Variants in ZNF875 observed in about 807,000 individuals in gnomAD.
ZNF875 encodes zinc finger protein 875, also known as HKR1, GLI-Kruppel zinc finger family member.
ZNF875 carries 14 observed loss-of-function variants against 11.2 expected under a neutral mutation model. That is an observed-to-expected ratio of 1.26 (90% CI 0.83 to 1.96). The LOEUF (loss-of-function observed/expected upper bound fraction) is 1.96, where lower values mean the gene tolerates loss of function less well. Among genes scored for constraint, ZNF875 ranks in the 30% most tolerant of loss-of-function variants. ZNF875 has a pLI of 0.00. For missense variants in ZNF875, 752 were observed against 760.4 expected, an observed-to-expected ratio of 0.99 and a Z score of 0.13; for synonymous variants, 301 against 281.1, an observed-to-expected ratio of 1.07 and a Z score of -0.71.
intron 2 of ZNF875, chr19:37,322,272 AG>A (rs1184592456): frequency 3.3e-5 from 5 of 152,198 alleles, no homozygotes; most frequent in African/African-American, 7.2e-5. Flanking sequence ...CTCATTTTGT[AG>A]GCTTTGCCAA....
chr19:37,336,924 T>C (rs1405650645), intron 2 of ZNF875, among the ~76,000 whole-genome samples: 1 of 151,908 alleles, frequency 6.6e-6, no homozygotes, highest in Non-Finnish European at 1.5e-5. Context: ...AATAAATAAA[T>C]AAATATACAT....
At chr19:37,360,341 G>A (rs1402155624) in intron 4 of ZNF875, among the ~76,000 whole-genome samples, 1 of 152,116 alleles carries the variant, frequency 6.6e-6, no homozygotes, top group East Asian at 1.9e-4. Context: ...ATTAAGTTTT[G>A]AAGTTAGAAG....
chr19:37,335,927 G>T (rs1220328660), intron 2 of ZNF875, among the ~76,000 whole-genome samples: 1 of 152,192 alleles, frequency 6.6e-6, no homozygotes, highest in South Asian at 2.1e-4. Context: ...AGTCCTGGAA[G>T]AGTGCCTCGT....
At chr19:37,347,023 G>A in intron 2 of ZNF875, 167 bp from the exon 3 acceptor site, 2 of 723,670 alleles carry the variant, frequency 2.8e-6, no homozygotes, top group South Asian at 3.4e-5. Context: ...CTCCATATTG[G>A]TCAGGCTGAT....
chr19:37,322,543 G>C (rs2145692128), intron 2 of ZNF875, among the ~76,000 whole-genome samples: 1 of 152,222 alleles, frequency 6.6e-6, no homozygotes, highest in East Asian at 1.9e-4. Flanking sequence ...TATATGCCTG[G>C]GACTCTGGCT....
upstream of ZNF875, chr19:37,315,695 G>C (rs1315941817): frequency 1.3e-5 from 2 of 152,116 alleles, no homozygotes; most frequent in Non-Finnish European, 2.9e-5. Context: ...CGATTACATG[G>C]AGAAGGGCCA....
At chr19:37,323,973 A>T (rs1389898151) in intron 3 of ZNF875, among the ~76,000 whole-genome samples, 2 of 152,172 alleles carry the variant, frequency 1.3e-5, no homozygotes, top group Non-Finnish European at 2.9e-5. Flanking sequence ...CTGTCTGTTT[A>T]GCGCTTGATG....
intron 2 of ZNF875, among the ~76,000 whole-genome samples, 198 bp downstream of exon 2, chr19:37,335,455 C>A (rs899501850): frequency 6.6e-6 from 1 of 152,120 alleles, no homozygotes; most frequent in Non-Finnish European, 1.5e-5. Flanking sequence ...CCACTTGTAA[C>A]CTGCACGGAC....
upstream of ZNF875, chr19:37,313,089 AG>A (rs1484066022): frequency 6.6e-6 from 1 of 152,300 alleles, no homozygotes; most frequent in Admixed American, 6.5e-5. Context: ...CTCTCCCATT[AG>A]ATGGCTTGGC....
intron 3 of ZNF875, chr19:37,324,090 G>C (rs2145718648): frequency 6.6e-6 from 1 of 152,210 alleles, no homozygotes; most frequent in East Asian, 1.9e-4. Context: ...GTGTTACCTA[G>C]TGTTTGTCAT....
intron 2 of ZNF875, among the ~76,000 whole-genome samples, chr19:37,336,212 G>A (rs1180310437): frequency 6.6e-6 from 1 of 152,078 alleles, no homozygotes; most frequent in East Asian, 1.9e-4. Flanking sequence ...TCCAGTGGGA[G>A]GCGGCAAGGA....
chr19:37,332,319 C>T (rs1023414870), upstream of ZNF875, among the ~76,000 whole-genome samples: 13 of 151,572 alleles, frequency 8.6e-5, no homozygotes, highest in South Asian at 2.1e-4. Context: ...CCAAATCTCT[C>T]GTCCCACCTT....
upstream of ZNF875, among the ~76,000 whole-genome samples, chr19:37,314,423 T>C (rs997770454): frequency 2.6e-5 from 4 of 152,132 alleles, no homozygotes; most frequent in African/African-American, 9.7e-5. Flanking sequence ...GCTGATAAAA[T>C]CTTAAAAAGA....
chr19:37,341,231 A>G (rs561425236), intron 2 of ZNF875, among the ~76,000 whole-genome samples: 20 of 152,360 alleles, frequency 1.3e-4, no homozygotes, highest in African/African-American at 3.1e-4. Context: ...TGTATAATGA[A>G]CAATCCTAAA....
chr19:37,344,756 C>T (rs2305115), intron 2 of ZNF875: 71,573 of 1,597,934 alleles, frequency 0.045, 2,450 homozygotes, highest in African/African-American at 0.17. Context: ...TGAGTTGTTC[C>T]GGGGCTGGAG....
At chr19:37,347,108 G>A (rs2972597) in intron 2 of ZNF875, 82 bp from the exon 3 acceptor site, 72,141 of 1,594,350 alleles carry the variant, frequency 0.045, 2,465 homozygotes, top group African/African-American at 0.17. Flanking sequence ...TGAACCACCG[G>A]GCCTGGCCTT....
chr19:37,341,761 C>T (rs1328472563), intron 2 of ZNF875, among the ~76,000 whole-genome samples: 1 of 152,190 alleles, frequency 6.6e-6, no homozygotes, highest in Non-Finnish European at 1.5e-5. Context: ...GTGTAACAGT[C>T]TGGATGTAGC....
Position 37,335,188 on chromosome 19 carries a change from G to A in ZNF875, c.-37G>A, listed in dbSNP as rs566487158. On this transcript the variant is annotated 5_prime_UTR_variant, in exon 2 of 5. Coordinates refer to ENST00000392153, the MANE Select transcript of ZNF875 (RefSeq NM_001353803.2). ...CCCCAGATCTGTCTTCTGAGACTTT[G>A]CCCTTCTCCAGGAAGAGCACTCAGG... 1.4e-5 allele frequency: 10 copies of A among 702,232 alleles called. No individual in the cohort carries two copies. The Admixed American group carries it at 1.6e-4, about 11-fold the overall frequency. The allele number at this position is 702,232 out of a possible 1,614,324, so 43.5% of individuals were successfully genotyped here. A position where few individuals can be genotyped will look rare whatever the true frequency, so the allele number is the denominator to read the frequency against.
intron 4 of ZNF875, chr19:37,358,155 T>C (rs1472307117): frequency 2.8e-6 from 1 of 358,038 alleles, no homozygotes; most frequent in East Asian, 4.0e-5. Context: ...TTTTTTTTTT[T>C]TTTGTTTGAG....
Sources: allele counts gnomAD v4.1 joint callset (sites outside exome capture counted in the v4.1 genomes callset), GRCh38; gene constraint gnomAD v4.1.1; transcripts MANE v1.5; gene names NCBI Gene and HGNC (gene_info 2026-07-23, HGNC 2026-07-21).